Variants in ANAPC5 observed in about 807,000 individuals in gnomAD.
The protein encoded by ANAPC5 is anaphase-promoting complex subunit 5.
Under a neutral mutation model 91.3 loss-of-function variants are expected in ANAPC5, and 60 were observed. The observed-to-expected ratio is 0.66, with a 90% CI of 0.53 to 0.81. The LOEUF is 0.81. Ranked by LOEUF, ANAPC5 falls within the 40% of genes least tolerant of loss-of-function variation. The pLI is 0.00. For missense variants in ANAPC5, 690 were observed against 931.5 expected, an observed-to-expected ratio of 0.74 and a Z score of 3.37; for synonymous variants, 340 against 364.1, an observed-to-expected ratio of 0.93 and a Z score of 0.75.
At chr12:121,341,863 G>T (rs570077136) in intron 5 of ANAPC5, 140 bp downstream of exon 5, 2 of 525,000 alleles carry the variant, frequency 3.8e-6, no homozygotes, top group South Asian at 3.3e-5. Flanking sequence ...GTGAGGCAGA[G>T]GGGACCAAGA....
At chr12:121,328,651 G>A (rs1555272557) in intron 9 of ANAPC5, 154 bp from the exon 10 acceptor site, 12 of 656,432 alleles carry the variant, frequency 1.8e-5, no homozygotes, top group East Asian at 1.7e-4. Flanking sequence ...TTAACCCTGA[G>A]CCATACGAGA....
intron 3 of ANAPC5, chr12:121,346,282 T>A (rs1313131434): frequency 7.6e-6 from 3 of 392,806 alleles, no homozygotes; most frequent in Non-Finnish European, 1.4e-5. Flanking sequence ...ACTTTCTTCA[T>A]GGCTGTTACA....
At chr12:121,350,293 T>A (rs1243678392) in intron 1 of ANAPC5, among the ~76,000 whole-genome samples, 1 of 152,182 alleles carries the variant, frequency 6.6e-6, no homozygotes, top group Non-Finnish European at 1.5e-5. Flanking sequence ...TAAGATCCCA[T>A]AATATAGAGG....
intron 5 of ANAPC5, among the ~76,000 whole-genome samples, chr12:121,340,316 CAAAA>C (rs782297405): frequency 1.2e-5 from 1 of 86,390 alleles, no homozygotes; most frequent in Admixed American, 1.2e-4. Context: ...AACTCCATCT[CAAAA>C]AAAAAAAAAA....
intron 11 of ANAPC5, among the ~76,000 whole-genome samples, chr12:121,322,949 C>CA (rs1902680977): frequency 6.6e-6 from 1 of 152,080 alleles, no homozygotes; most frequent in Non-Finnish European, 1.5e-5. Flanking sequence ...CGCTTGAACC[C>CA]AGGAGGCAGA....
intron 15 of ANAPC5, among the ~76,000 whole-genome samples, chr12:121,312,209 C>A (rs370763275): frequency 5.9e-5 from 9 of 152,058 alleles, no homozygotes; most frequent in African/African-American, 1.7e-4. Context: ...TCTTAAGTAA[C>A]CAATGTGTCA....
intron 16 of ANAPC5, among the ~76,000 whole-genome samples, chr12:121,309,041 T>TGGGA (rs1266222468): frequency 1.4e-5 from 2 of 146,898 alleles, no homozygotes; most frequent in Non-Finnish European, 3.0e-5. Context: ...CCCAGCTACT[T>TGGGA]GGGAGGCTGA....
chr12:121,311,022 GAACA>G (rs1902147494), intron 15 of ANAPC5, among the ~76,000 whole-genome samples: 1 of 149,988 alleles, frequency 6.7e-6, no homozygotes, highest in South Asian at 2.1e-4. Flanking sequence ...GAAATTGTGA[GAACA>G]AACTTTTTTT....
rs74644631 is a variant in ANAPC5, at chr12:121,337,408, G to T, written c.658-16C>A. 0.012 allele frequency: 18,182 copies of T among 1,561,644 alleles called. 876 individuals carry two copies. In the East Asian group the frequency reaches 0.14, roughly 12 times the overall value. On this transcript the variant is annotated splice_polypyrimidine_tract_variant and intron_variant, in intron 5 of 16. Transcript: ENST00000261819. The stretch of plus-strand genomic sequence containing the variant: ...GCAAAGAAGCCTGAAATTTAAAAAT[G>T]GTAACTCAGTAGAAAGAAAGGGTCA...
chr12:121,309,786 G>C lies in ANAPC5; in HGVS notation c.1971C>G (p.Ile657Met), dbSNP rs749604863. The C allele has an allele frequency of 6.2e-7, 1 of 1,614,162 alleles. No homozygotes were observed. The highest frequency in any genetic ancestry group is 8.5e-7 in the Non-Finnish European group (1 of 1,180,032). ...AGAACATGGCACGACCTTTGTCCAGGATAGCCCCGTCAGCCAAGATGGGCT... is the reference window on the plus strand; with the variant it reads ...AGAACATGGCACGACCTTTGTCCAGCATAGCCCCGTCAGCCAAGATGGGCT... ...AIEPILADGAILDKGRAMFLV... is the reference protein window; with the variant it reads ...AIEPILADGAMLDKGRAMFLV... The change falls in exon 16 of 17, where the codon ATC becomes ATG. Residue 657 changes from isoleucine (I) to methionine (M), a missense_variant. Ile to Met is a conservative substitution (Grantham distance 10). Coordinates refer to ENST00000261819, the MANE Select transcript of ANAPC5 (RefSeq NM_016237.5).
At chr12:121,318,044 C>T (rs913901035) in intron 15 of ANAPC5, 6 of 365,536 alleles carry the variant, frequency 1.6e-5, no homozygotes, top group African/African-American at 1.3e-4. Flanking sequence ...GAGGCGAGTC[C>T]TCCTTACTGA....
At chr12:121,334,256 G>A (rs1191305200) in intron 7 of ANAPC5, 1 of 152,218 alleles carries the variant, frequency 6.6e-6, no homozygotes, top group Non-Finnish European at 1.5e-5. Flanking sequence ...TCCAGCCTGG[G>A]TGACTGAGTG....
chr12:121,319,725 CT>C lies in ANAPC5; in HGVS notation c.1608del (p.Ala537LeufsTer5). On this transcript the variant is annotated frameshift_variant, in exon 13 of 17. Coordinates refer to ENST00000261819, the MANE Select transcript of ANAPC5 (RefSeq NM_016237.5). LOFTEE classifies it high-confidence loss of function. ...TAAACACCCTCTATGCTATTGAGAG[CT>C]GTGATTCCTGTAACAAGTGAATCAG... ...HLADSLVTGI[T>X]ALNSIEGVYR... 6.2e-7 allele frequency: 1 copy of C among 1,612,320 alleles called. No individual in the cohort carries two copies. The highest frequency in any genetic ancestry group is 8.5e-7 in the Non-Finnish European group (1 of 1,179,486).
chr12:121,346,201 T>G (rs1903662369), intron 3 of ANAPC5, 170 bp from the exon 4 acceptor site: 1 of 577,390 alleles, frequency 1.7e-6, no homozygotes. Flanking sequence ...CCCCAGTCCT[T>G]TACAAAGCTG....
chr12:121,309,979 G>A (rs892965067), intron 15 of ANAPC5, 116 bp from the exon 16 acceptor site: 2 of 971,844 alleles, frequency 2.1e-6, no homozygotes, highest in Admixed American at 2.8e-5. Context: ...CCTTTTACCT[G>A]ACATGTACTA....
At chr12:121,315,995 T>C (rs1213566103) in intron 15 of ANAPC5, among the ~76,000 whole-genome samples, 4 of 151,936 alleles carry the variant, frequency 2.6e-5, no homozygotes, top group Non-Finnish European at 5.9e-5. Flanking sequence ...AACAAGAAAG[T>C]GAAAAGACCA....
chr12:121,340,677 C>T (rs1903418124), intron 5 of ANAPC5, among the ~76,000 whole-genome samples: 1 of 151,976 alleles, frequency 6.6e-6, no homozygotes, highest in Non-Finnish European at 1.5e-5. Context: ...CTCAGCCTCC[C>T]GAGTAGCTGG....
intron 11 of ANAPC5, among the ~76,000 whole-genome samples, chr12:121,321,358 T>A (rs1209067043): frequency 6.7e-6 from 1 of 148,314 alleles, no homozygotes; most frequent in East Asian, 2.0e-4. Context: ...TTTTTTTTTT[T>A]TTTTTTTTTA....
intron 15 of ANAPC5, 41 bp downstream of exon 15, chr12:121,318,236 T>C (rs757540245): frequency 1.3e-6 from 2 of 1,484,310 alleles, no homozygotes; most frequent in Non-Finnish European, 1.8e-6. Context: ...TCACCAGCTC[T>C]TGAGCACAAA....
Sources: allele counts gnomAD v4.1 joint callset (sites outside exome capture counted in the v4.1 genomes callset), GRCh38; gene constraint gnomAD v4.1.1; transcripts MANE v1.5; gene names NCBI Gene and HGNC (gene_info 2026-07-23, HGNC 2026-07-21).